Variants in CCR9 observed in about 807,000 individuals in gnomAD.
CCR9 encodes C-C motif chemokine receptor 9, also known as C-C chemokine receptor type 9.
Under a neutral mutation model 8.7 loss-of-function variants are expected in CCR9, and 4 were observed. The observed-to-expected ratio is 0.46, with a 90% CI of 0.23 to 1.06. CCR9 has a LOEUF of 1.06. Among genes scored for constraint, CCR9 ranks in the 50% least tolerant of loss-of-function variants. The pLI, the probability that CCR9 is intolerant of heterozygous loss-of-function variation, is 0.21. For synonymous variants in CCR9, 159 were observed against 168.8 expected, an observed-to-expected ratio of 0.94 and a Z score of 0.45; for missense variants, 394 against 453.6, an observed-to-expected ratio of 0.87 and a Z score of 1.19.
intron 1 of CCR9, among the ~76,000 whole-genome samples, chr3:45,892,544 C>CA (rs1396904386): frequency 6.6e-6 from 1 of 152,132 alleles, no homozygotes; most frequent in Admixed American, 6.5e-5. Flanking sequence ...GAATAACAGA[C>CA]ACTGGGACCC....
At chr3:45,892,788 T>C (rs1472301086) in intron 1 of CCR9, among the ~76,000 whole-genome samples, 6 of 152,076 alleles carry the variant, frequency 3.9e-5, no homozygotes, top group Non-Finnish European at 1.5e-5. Flanking sequence ...ATCTCTCAAG[T>C]TGGCTACAAC....
At chr3:45,893,175 G>A (rs1702245148) in intron 1 of CCR9, among the ~76,000 whole-genome samples, 1 of 147,308 alleles carries the variant, frequency 6.8e-6, no homozygotes, top group East Asian at 2.0e-4. Flanking sequence ...TTTTGTTTGA[G>A]ATGGAGTCTT....
rs1179744965 is a variant in CCR9 at position 45,901,144 on chromosome 3, G to T, written c.356G>T (p.Cys119Phe). The stretch of plus-strand genomic sequence containing the variant: ...CAGTGGAAGTTCCAGACCTTCATGT[G>T]CAAGGTGGTCAACAGCATGTACAAG... ...ADQWKFQTFM[C>F]KVVNSMYKMN... The change falls in exon 3 of 3, where the codon TGC becomes TTC. Residue 119 changes from cysteine (C) to phenylalanine (F), a missense_variant. By Grantham distance (205) the Cys-to-Phe change is radical (BLOSUM62 -2). Transcript: ENST00000357632. The surrounding 1 kb of genome is among the most constrained non-coding windows in gnomAD (Gnocchi z 4.3). 1 of 1,614,172 alleles carries T rather than the reference G, an allele frequency of 6.2e-7. No homozygotes were observed. The highest frequency in any genetic ancestry group is 1.7e-5 in the Admixed American group (1 of 60,032).
chr3:45,895,704 A>G (rs1702332139), intron 2 of CCR9, among the ~76,000 whole-genome samples: 1 of 150,924 alleles, frequency 6.6e-6, no homozygotes, highest in Non-Finnish European at 1.5e-5. Context: ...ACAGAGCGAG[A>G]CTCTGTCTTA....
At chr3:45,893,766 T>C (rs554784486) in intron 1 of CCR9, among the ~76,000 whole-genome samples, 1 of 152,382 alleles carries the variant, frequency 6.6e-6, no homozygotes, top group South Asian at 2.1e-4. Context: ...CATACTAGTC[T>C]TTATGGGGAC....
At chr3:45,894,007 C>A (rs1047344109) in intron 1 of CCR9, among the ~76,000 whole-genome samples, 1 of 152,070 alleles carries the variant, frequency 6.6e-6, no homozygotes, top group Non-Finnish European at 1.5e-5. Context: ...CTATTTTTTT[C>A]GAGAACCTTG....
chr3:45,894,856 A>C, intron 1 of CCR9, 50 bp from the exon 2 acceptor site: 7 of 1,315,610 alleles, frequency 5.3e-6, no homozygotes, highest in Non-Finnish European at 7.7e-6. Flanking sequence ...TTTGGTTGTT[A>C]CTATTCGTTT....
chr3:45,892,172 G>A (rs1033647469), intron 1 of CCR9, among the ~76,000 whole-genome samples: 25 of 152,076 alleles, frequency 1.6e-4, no homozygotes, highest in African/African-American at 6.0e-4. Context: ...ATATGTATGT[G>A]AAACACACAT....
At chr3:45,897,640 T>G in intron 2 of CCR9, 1 of 1,527,668 alleles carries the variant, frequency 6.5e-7, no homozygotes, top group Non-Finnish European at 8.8e-7. Context: ...AGCCCAGGAC[T>G]AACACAGCTA....
intron 2 of CCR9, chr3:45,897,572 C>T (rs1301772633): frequency 1.3e-6 from 2 of 1,535,454 alleles, no homozygotes; most frequent in South Asian, 2.4e-5. Context: ...CTCCTCCAGG[C>T]CCCGCTCCAG....
intron 2 of CCR9, among the ~76,000 whole-genome samples, chr3:45,898,100 C>T (rs1429903951): frequency 1.3e-5 from 2 of 152,044 alleles, no homozygotes; most frequent in Admixed American, 6.6e-5. Context: ...TGCTCATCTG[C>T]ATTGTTTTAC....
At position 45,901,887 on chromosome 3, in the gene CCR9, C is replaced by G. The variant is rs760734282; in HGVS notation, c.1099C>G (p.Leu367Val). Residue 367 changes from leucine to valine, a missense_variant, in exon 3 of 3, where the codon CTC (leucine) becomes GTC (valine). Leu to Val is a conservative substitution (Grantham distance 32). Transcript: ENST00000357632. This position sits in a 1 kb window ranked among gnomAD's most constrained non-coding sequence, Gnocchi z 4.3. ...GTTGCTGGAGACAACCTCAGGAGCA[C>G]TCTCCCTCTGAGGGGTCTTCTCTGA... ...SMLLETTSGALSL is the reference protein window; with the variant it reads ...SMLLETTSGAVSL The G allele has an allele frequency of 1.3e-6, 2 of 1,595,904 alleles. No individual in the cohort carries two copies. The highest frequency in any genetic ancestry group is 1.7e-6 in the Non-Finnish European group (2 of 1,168,106).
intron 1 of CCR9, among the ~76,000 whole-genome samples, chr3:45,889,180 T>C (rs1487131356): frequency 1.3e-5 from 2 of 152,156 alleles, no homozygotes; most frequent in African/African-American, 4.8e-5. Flanking sequence ...AGATGGGGTC[T>C]TGCTCTGTTG....
chr3:45,888,746 A>G (rs1384233568), intron 1 of CCR9, among the ~76,000 whole-genome samples: 1 of 152,318 alleles, frequency 6.6e-6, no homozygotes, highest in Non-Finnish European at 1.5e-5. Context: ...GAAAGCAAGC[A>G]CTGAGACTTA....
In CCR9 at chr3:45,901,272, CT is replaced by C. The variant is rs747802087; in HGVS notation, c.488del (p.Leu163CysfsTer48). ...AGCACATACTTGGAGGGAGAAAAGG[CT>C]TTTGTACAGCAAAATGGTTTGCTTT... ...MRAHTWREKR[L>X]LYSKMVCFTI... On this transcript the variant is annotated frameshift_variant, in exon 3 of 3. Transcript: ENST00000357632. LOFTEE classifies it low-confidence loss of function (END_TRUNC). The surrounding 1 kb of genome is among the most constrained non-coding windows in gnomAD (Gnocchi z 4.3). The C allele has an allele frequency of 1.2e-6, 2 of 1,614,186 alleles. No homozygotes were observed. The highest frequency in any genetic ancestry group is 1.1e-5 in the South Asian group (1 of 91,076).
intron 1 of CCR9, among the ~76,000 whole-genome samples, chr3:45,892,764 G>A (rs998444894): frequency 6.6e-6 from 1 of 152,012 alleles, no homozygotes; most frequent in East Asian, 1.9e-4. Context: ...AAAAACCCAC[G>A]TGGGTCCGTA....
In CCR9 at chr3:45,901,673, T is replaced by C. The variant is rs202214909; in HGVS notation, c.885T>C (p.Ile295=). The change falls in exon 3 of 3, where the codon ATT becomes ATC. Residue 295 remains isoleucine (I), a synonymous_variant. Coordinates refer to ENST00000357632, the MANE Select transcript of CCR9 (RefSeq NM_031200.3). The surrounding 1 kb of genome is among the most constrained non-coding windows in gnomAD (Gnocchi z 4.3). ...FISNCAVSTN[I]DICFQVTQTI... Reference sequence around the variant, plus strand: ...CCAACTGTGCCGTTTCCACCAACATTGACATCTGCTTCCAGGTCACCCAGA... The same window carrying C: ...CCAACTGTGCCGTTTCCACCAACATCGACATCTGCTTCCAGGTCACCCAGA... 6.2e-7 allele frequency: 1 copy of C among 1,613,990 alleles called. No individual in the cohort carries two copies. The highest frequency in any genetic ancestry group is 1.1e-5 in the South Asian group (1 of 91,076).
intron 1 of CCR9, among the ~76,000 whole-genome samples, chr3:45,892,114 T>C (rs774341993): frequency 1.3e-5 from 2 of 152,218 alleles, no homozygotes; most frequent in Non-Finnish European, 2.9e-5. Flanking sequence ...GTGCTAATTA[T>C]GCTGTGTATC....
intron 1 of CCR9, among the ~76,000 whole-genome samples, chr3:45,888,708 C>A (rs1201906541): frequency 6.6e-6 from 1 of 152,134 alleles, no homozygotes; most frequent in Non-Finnish European, 1.5e-5. Context: ...CTATATTTTT[C>A]CCGCTTTCTC....
Sources: allele counts gnomAD v4.1 joint callset (sites outside exome capture counted in the v4.1 genomes callset), GRCh38; gene constraint gnomAD v4.1.1; non-coding constraint Gnocchi (gnomAD v3.1); transcripts MANE v1.5; gene names NCBI Gene and HGNC (gene_info 2026-07-23, HGNC 2026-07-21).